Variants in CLEC4M observed in about 807,000 individuals in gnomAD.
The protein encoded by CLEC4M is CD209 antigen-like protein 1.
In CLEC4M, 25 loss-of-function variants were observed where a neutral mutation model predicts 39.1. The ratio of observed to expected loss-of-function variants is 0.64; its 90% CI spans 0.47 to 0.89. CLEC4M has a LOEUF of 0.89. Ranked by LOEUF, CLEC4M falls within the 40% of genes least tolerant of loss-of-function variation. The pLI is 0.00. For missense variants in CLEC4M, 353 were observed against 431.4 expected, an observed-to-expected ratio of 0.82 and a Z score of 1.61; for synonymous variants, 155 against 177.4, an observed-to-expected ratio of 0.87 and a Z score of 1.00.
At position 7,765,186 on chromosome 19, in the gene CLEC4M, G is replaced by C. The variant is rs1312100266; in HGVS notation, c.132G>C (p.Gly44=). The C allele has an allele frequency of 6.2e-7, 1 of 1,614,130 alleles. No homozygotes were observed. Among genetic ancestry groups the C allele is most frequent in the Non-Finnish European group, 8.5e-7 (1 of 1,179,990 alleles). Residue 44 remains glycine (G), a splice_region_variant and synonymous_variant, in exon 3 of 7, where the codon GGG becomes GGC. Coordinates refer to ENST00000327325, the MANE Select transcript of CLEC4M (RefSeq NM_014257.5). The stretch of plus-strand genomic sequence containing the variant: ...GCTGACGCATGTATCCTCTCTCAGG[G>C]TGTCTTGGCCATGGCGCCCTGGTGC... ...QQIHGHKSST[G]CLGHGALVLQ... is the part of the protein sequence containing the mutation.
At chr19:7,768,771 C>T in intron 6 of CLEC4M, 67 bp from the exon 7 acceptor site, 2 of 1,555,998 alleles carry the variant, frequency 1.3e-6, no homozygotes, top group Non-Finnish European at 1.8e-6. Flanking sequence ...ATCAATATTA[C>T]AGAAGGTAGG....
intron 2 of CLEC4M, among the ~76,000 whole-genome samples, chr19:7,763,788 G>A (rs1244881194): frequency 2.0e-5 from 3 of 151,158 alleles, no homozygotes; most frequent in Non-Finnish European, 4.4e-5. Context: ...CTGGACTCCT[G>A]GAACCAGAGG....
chr19:7,763,583 G>C (rs2034113224), intron 2 of CLEC4M, 107 bp downstream of exon 2: 1 of 922,956 alleles, frequency 1.1e-6, no homozygotes, highest in Non-Finnish European at 1.7e-6. Context: ...GGGGAAGGAA[G>C]GTCTGAGACC....
intron 2 of CLEC4M, among the ~76,000 whole-genome samples, chr19:7,763,800 G>T (rs562312476): frequency 6.6e-6 from 1 of 151,312 alleles, no homozygotes; most frequent in South Asian, 2.1e-4. Flanking sequence ...AACCAGAGGA[G>T]GTGGGAGAAG....
chr19:7,768,633 G>C, intron 6 of CLEC4M: 1 of 489,902 alleles, frequency 2.0e-6, no homozygotes, highest in Non-Finnish European at 3.6e-6. Context: ...CACAGCCTCA[G>C]TAGGAGTCCT....
Position 7,766,728 on chromosome 19 carries a change from A to AG in CLEC4M, c.858dup (p.Arg287AlafsTer24). The AG allele has an allele frequency of 1.9e-6, 3 of 1,614,222 alleles. No individual in the cohort carries two copies. The highest frequency in any genetic ancestry group is 1.6e-4 in the Middle Eastern group (1 of 6,062). ...AACTGTTACTTCATGTCTAACTCCCAGCGGAACTGGCACGACTCCGTCACC... is the reference window on the plus strand; with the variant it reads ...AACTGTTACTTCATGTCTAACTCCCAGGCGGAACTGGCACGACTCCGTCACC... On this transcript the variant is annotated frameshift_variant, in exon 5 of 7. Transcript: ENST00000327325. LOFTEE classifies it high-confidence loss of function.
chr19:7,768,391 C>T (rs539062898), intron 6 of CLEC4M: 136 of 156,602 alleles, frequency 8.7e-4, no homozygotes, highest in African/African-American at 3.1e-3. Context: ...CTGGCCAACA[C>T]GGTGAAACCC....
At position 7,766,717 on chromosome 19, in the gene CLEC4M, G is replaced by T; in HGVS notation, c.846G>T (p.Met282Ile). The change falls in exon 5 of 7, where the codon ATG becomes ATT. Residue 282 changes from methionine (M) to isoleucine (I), a missense_variant. Physicochemically the swap from Met to Ile is conservative, Grantham distance 10. This residue lies in a region of CLEC4M where 196 missense variants were observed against 211.7 expected (regional missense o/e 0.93). Transcript: ENST00000327325. ...WTFFQGNCYF[M>I]SNSQRNWHDS... ...TCTTCCAAGGAAACTGTTACTTCAT[G>T]TCTAACTCCCAGCGGAACTGGCACG... 6.2e-7 allele frequency: 1 copy of T among 1,614,234 alleles called. No homozygotes were observed. The highest frequency in any genetic ancestry group is 2.2e-5 in the East Asian group (1 of 44,886).
At position 7,765,226 on chromosome 19, in the gene CLEC4M, T is replaced by C. The variant is rs2034199227; in HGVS notation, c.172T>C (p.Phe58Leu). ...CGCCCTGGTGCTGCAACTCCTCTCCTTCATGCTCTTGGCTGGGGTCCTGGT... is the reference window on the plus strand; with the variant it reads ...CGCCCTGGTGCTGCAACTCCTCTCCCTCATGCTCTTGGCTGGGGTCCTGGT... ...HGALVLQLLS[F>L]MLLAGVLVAI... Residue 58 changes from phenylalanine to leucine, a missense_variant, in exon 3 of 7, where the codon TTC becomes CTC. This residue lies in a region of CLEC4M where 91 missense variants were observed against 77.8 expected (regional missense o/e 1.17). Transcript: ENST00000327325. 1.9e-6 allele frequency: 3 copies of C among 1,613,742 alleles called. No individual in the cohort carries two copies. Among genetic ancestry groups the C allele is most frequent in the Non-Finnish European group, 2.5e-6 (3 of 1,179,618 alleles).
chr19:7,763,370 T>G (rs757944097), intron 1 of CLEC4M, 23 bp from the exon 2 acceptor site: 1 of 1,613,624 alleles, frequency 6.2e-7, no homozygotes, highest in Admixed American at 1.7e-5. Flanking sequence ...GCCCAGGCTC[T>G]GAGCTGATGT....
chr19:7,769,052 G>T lies in CLEC4M; in HGVS notation c.*64G>T. 6.5e-7 allele frequency: 1 copy of T among 1,541,040 alleles called. No homozygotes were observed. The highest frequency in any genetic ancestry group is 8.9e-7 in the Non-Finnish European group (1 of 1,126,864). ...CAGAACTTCACCCACTTGTAAGCCAGCGCTTCTTCTCTCCATCCTTGGACC... is the reference window on the plus strand; with the variant it reads ...CAGAACTTCACCCACTTGTAAGCCATCGCTTCTTCTCTCCATCCTTGGACC... On this transcript the variant is annotated 3_prime_UTR_variant, in exon 7 of 7. Coordinates refer to ENST00000327325, the MANE Select transcript of CLEC4M (RefSeq NM_014257.5).
At position 7,765,238 on chromosome 19, in the gene CLEC4M, G is replaced by A. The variant is rs763369162; in HGVS notation, c.184G>A (p.Ala62Thr). ...VLQLLSFMLL[A>T]GVLVAILVQV... Reference sequence around the variant, plus strand: ...GCAACTCCTCTCCTTCATGCTCTTGGCTGGGGTCCTGGTGGCCATCCTTGT... The same window carrying A: ...GCAACTCCTCTCCTTCATGCTCTTGACTGGGGTCCTGGTGGCCATCCTTGT... Residue 62 changes from alanine (A) to threonine (T), a missense_variant, in exon 3 of 7, where the codon GCT (alanine) becomes ACT (threonine). Ala to Thr is a moderately conservative substitution (Grantham distance 58). Around this residue, in one of 4 missense-constraint regions of CLEC4M, gnomAD observed 91 missense variants for 77.8 expected, o/e 1.17. Transcript: ENST00000327325. 2.5e-6 allele frequency: 4 copies of A among 1,614,172 alleles called. No individual in the cohort carries two copies. In the South Asian group the frequency reaches 4.4e-5, roughly 18 times the overall value.
chr19:7,766,761 A>C lies in CLEC4M; in HGVS notation c.890A>C (p.Gln297Pro). Residue 297 changes from glutamine to proline, a missense_variant, in exon 5 of 7, where the codon CAG (glutamine) becomes CCG (proline). Physicochemically the swap from Gln to Pro is moderately conservative, Grantham distance 76. Transcript: ENST00000327325. ...TGGCACGACTCCGTCACCGCCTGCC[A>C]GGAAGTGAGGGCCCAGCTCGTCGTA... Reference protein sequence around the residue: ...RNWHDSVTACQEVRAQLVVIK... With the variant: ...RNWHDSVTACPEVRAQLVVIK... 6.2e-7 allele frequency: 1 copy of C among 1,614,232 alleles called. No homozygotes were observed.
At chr19:7,767,444 C>A in intron 5 of CLEC4M, 72 bp from the exon 6 acceptor site, 2 of 1,188,056 alleles carry the variant, frequency 1.7e-6, no homozygotes, top group East Asian at 2.4e-5. Flanking sequence ...GAACTTTCTG[C>A]CAAGAGACGG....
In CLEC4M at chr19:7,766,679, A is replaced by G. The variant is rs2034290205; in HGVS notation, c.808A>G (p.Lys270Glu). 4 of 1,614,118 alleles carry G rather than the reference A, an allele frequency of 2.5e-6. No individual in the cohort carries two copies. The highest frequency in any genetic ancestry group is 3.4e-6 in the Non-Finnish European group (4 of 1,180,046). The change falls in exon 5 of 7, where the codon AAG (lysine) becomes GAG (glutamate). Residue 270 changes from lysine (K) to glutamate (E), a missense_variant. Around this residue, in one of 4 missense-constraint regions of CLEC4M, gnomAD observed 196 missense variants for 211.7 expected, o/e 0.93. Coordinates refer to ENST00000327325, the MANE Select transcript of CLEC4M (RefSeq NM_014257.5). ...AFERLCRHCPKDWTFFQGNCY... is the reference protein window; with the variant it reads ...AFERLCRHCPEDWTFFQGNCY... The stretch of plus-strand genomic sequence containing the variant: ...AGAACGCCTGTGCCGCCACTGTCCC[A>G]AGGACTGGACATTCTTCCAAGGAAA...
intron 5 of CLEC4M, chr19:7,767,080 C>A: frequency 1.9e-6 from 1 of 533,640 alleles, no homozygotes; most frequent in Non-Finnish European, 3.3e-6. Flanking sequence ...GAGAAAATTC[C>A]TGATGTGTTG....
Position 7,765,231 on chromosome 19 carries a change from G to T in CLEC4M, c.177G>T (p.Met59Ile), listed in dbSNP as rs770009726. 3.7e-6 allele frequency: 6 copies of T among 1,614,056 alleles called. No homozygotes were observed. The African/African-American group carries it at 8.0e-5, about 22-fold the overall frequency. The change falls in exon 3 of 7, where the codon ATG (methionine) becomes ATT (isoleucine). Residue 59 changes from methionine (M) to isoleucine (I), a missense_variant. Coordinates refer to ENST00000327325, the MANE Select transcript of CLEC4M (RefSeq NM_014257.5). ...GALVLQLLSF[M>I]LLAGVLVAIL... ...TGGTGCTGCAACTCCTCTCCTTCAT[G>T]CTCTTGGCTGGGGTCCTGGTGGCCA...
At chr19:7,767,381 T>C (rs2146359831) in intron 5 of CLEC4M, 135 bp from the exon 6 acceptor site, 1 of 643,198 alleles carries the variant, frequency 1.6e-6, no homozygotes, top group South Asian at 1.9e-5. Flanking sequence ...GGCTCAGACA[T>C]GAGGAGGCTC....
intron 2 of CLEC4M, among the ~76,000 whole-genome samples, chr19:7,764,667 A>G (rs1431385168): frequency 6.6e-6 from 1 of 151,498 alleles, no homozygotes; most frequent in East Asian, 1.9e-4. Flanking sequence ...AATTTTTTGT[A>G]TTTTTAGTAG....
Sources: gnomAD v4.1 joint callset for allele counts (sites outside exome capture counted in the v4.1 genomes callset) on GRCh38, gnomAD v4.1.1 for gene constraint, gnomAD v4.1.1 regional missense constraint, MANE v1.5 for transcripts, NCBI Gene and HGNC (gene_info 2026-07-23, HGNC 2026-07-21) for gene names.